The following SPRR2G variants were observed in gnomAD, a reference collection of about 807,000 sequenced individuals.
The protein encoded by SPRR2G is small proline-rich protein 2G.
SPRR2G carries 1 observed loss-of-function variant against 0.7 expected under a neutral mutation model. The observed-to-expected ratio is 1.49, with a 90% CI of 0.53 to 7.06. The LOEUF is 7.06. SPRR2G is among the 30% of genes most tolerant of loss of function. SPRR2G has a pLI of 0.14. For synonymous variants in SPRR2G, 38 were observed against 33.9 expected, an observed-to-expected ratio of 1.12 and a Z score of -0.42; for missense variants, 96 against 88.5, an observed-to-expected ratio of 1.09 and a Z score of -0.34.
chr1:153,175,364 C>A, the SPRR2G span, among the ~76,000 whole-genome samples: 1 of 152,184 alleles, frequency 6.6e-6, no homozygotes, highest in Non-Finnish European at 1.5e-5. Flanking sequence ...TTAACATTGA[C>A]CCGTAAGGTT....
chr1:153,197,222 A>G, the SPRR2G span, among the ~76,000 whole-genome samples: 1 of 150,408 alleles, frequency 6.6e-6, no homozygotes, highest in Admixed American at 6.7e-5. Context: ...GATAAACCCT[A>G]GCTGCAGGGA....
the SPRR2G span, among the ~76,000 whole-genome samples, chr1:153,180,302 G>T: frequency 1.3e-5 from 2 of 152,020 alleles, no homozygotes; most frequent in African/African-American, 4.8e-5. Context: ...ACTTTTTCCT[G>T]GCATCTAACA....
chr1:153,153,176 C>A (rs1656509506), upstream of SPRR2G, among the ~76,000 whole-genome samples: 1 of 152,108 alleles, frequency 6.6e-6, no homozygotes. Context: ...GGGGGAGAGA[C>A]TAACTTTTCA....
intron 1 of SPRR2G, 84 bp downstream of exon 1, chr1:153,150,768 G>T: frequency 1.3e-5 from 2 of 155,026 alleles, no homozygotes; most frequent in Admixed American, 1.2e-4. Flanking sequence ...GGATAAATTG[G>T]TTAAAATAAA....
In SPRR2G at chr1:153,149,696, T is replaced by A; in HGVS notation, c.*193A>T. 1.4e-6 allele frequency: 1 copy of A among 702,372 alleles called. No individual in the cohort carries two copies. The highest frequency in any genetic ancestry group is 2.4e-6 in the Non-Finnish European group (1 of 419,746). 43.5% of individuals were successfully genotyped at this position (702,372 alleles called of 1,614,324 possible). Reference sequence around the variant, plus strand: ...CAGACAGCAAAGCGAGATTAGGCAGTGATCTGGCTGCTCATCTTCCAACAA... The same window carrying A: ...CAGACAGCAAAGCGAGATTAGGCAGAGATCTGGCTGCTCATCTTCCAACAA... On this transcript the variant is annotated 3_prime_UTR_variant, in exon 2 of 2. Transcript: ENST00000368748.
At chr1:153,182,334 A>T in the SPRR2G span, among the ~76,000 whole-genome samples, 2 of 150,364 alleles carry the variant, frequency 1.3e-5, no homozygotes, top group Admixed American at 1.3e-4. Context: ...GAATTTTTTT[A>T]TTAGGTTGGT....
rs1179217472 is a variant in SPRR2G, at chr1:153,150,194, T to C, written c.-21-63A>G. On this transcript the variant is annotated intron_variant, in intron 1 of 1. Coordinates refer to ENST00000368748, the MANE Select transcript of SPRR2G (RefSeq NM_001014291.4). The stretch of plus-strand genomic sequence containing the variant: ...CAGTCCTGTTGGTGGAGCAATTAGC[T>C]AGGACATCAAATCTCCAGTATCTAG... 1.9e-6 allele frequency: 3 copies of C among 1,588,458 alleles called. No homozygotes were observed. In the African/African-American group the frequency reaches 4.0e-5, roughly 21 times the overall value.
chr1:153,158,463 T>A, the SPRR2G span, among the ~76,000 whole-genome samples: 1 of 152,240 alleles, frequency 6.6e-6, no homozygotes, highest in African/African-American at 2.4e-5. Context: ...TAAGTTTCCA[T>A]GGTCTTTGGC....
the SPRR2G span, among the ~76,000 whole-genome samples, chr1:153,161,980 G>C: frequency 2.0e-5 from 3 of 151,988 alleles, no homozygotes; most frequent in Non-Finnish European, 2.9e-5. Flanking sequence ...GGGGTTTTTG[G>C]TGGTGGTGGT....
At chr1:153,177,768 A>G in the SPRR2G span, among the ~76,000 whole-genome samples, 1 of 152,124 alleles carries the variant, frequency 6.6e-6, no homozygotes, top group Non-Finnish European at 1.5e-5. Context: ...GAAACCAGAT[A>G]GTGTGAGACC....
At chr1:153,154,022 C>T (rs1234878387), upstream of SPRR2G, among the ~76,000 whole-genome samples, 1 of 152,018 alleles carries the variant, frequency 6.6e-6, no homozygotes, top group Non-Finnish European at 1.5e-5. Flanking sequence ...GTGTTTTAAT[C>T]ATGAAAAGAT....
chr1:153,202,283 C>T, the SPRR2G span, among the ~76,000 whole-genome samples: 5 of 152,246 alleles, frequency 3.3e-5, no homozygotes, highest in African/African-American at 9.6e-5. Flanking sequence ...TTCCCATGCC[C>T]GAGGACTTTT....
the SPRR2G span, among the ~76,000 whole-genome samples, chr1:153,167,749 T>C: frequency 6.6e-6 from 1 of 152,154 alleles, no homozygotes; most frequent in Non-Finnish European, 1.5e-5. Flanking sequence ...TACAAGTAAA[T>C]AATTTTAAAT....
chr1:153,175,297 C>T, the SPRR2G span, among the ~76,000 whole-genome samples: 1 of 152,202 alleles, frequency 6.6e-6, no homozygotes, highest in African/African-American at 2.4e-5. Flanking sequence ...TGTTATCCTG[C>T]CTGCTGTCCT....
chr1:153,151,782 G>T (rs1287759586), upstream of SPRR2G, among the ~76,000 whole-genome samples: 1 of 152,160 alleles, frequency 6.6e-6, no homozygotes, highest in African/African-American at 2.4e-5. Context: ...GCACATTCGA[G>T]GAGTGAAGTT....
At chr1:153,197,622 T>C in the SPRR2G span, among the ~76,000 whole-genome samples, 1 of 152,166 alleles carries the variant, frequency 6.6e-6, no homozygotes, top group Non-Finnish European at 1.5e-5. Context: ...ATTAGGGCAC[T>C]GTATGAGACA....
At chr1:153,152,968 G>GT (rs1478537685), upstream of SPRR2G, among the ~76,000 whole-genome samples, 1 of 152,054 alleles carries the variant, frequency 6.6e-6, no homozygotes, top group Non-Finnish European at 1.5e-5. Context: ...ACAAAGGACA[G>GT]TTTTTTTATA....
the SPRR2G span, among the ~76,000 whole-genome samples, chr1:153,163,447 G>C: frequency 3.5e-4 from 54 of 152,300 alleles, no homozygotes; most frequent in African/African-American, 1.3e-3. Flanking sequence ...TTGGAATTAT[G>C]GGTGATAGAG....
chr1:153,158,154 G>T, the SPRR2G span, among the ~76,000 whole-genome samples: 1 of 152,112 alleles, frequency 6.6e-6, no homozygotes, highest in Admixed American at 6.6e-5. Context: ...GTCCCCCAAA[G>T]TCTTAACTCA....
Sources: gnomAD v4.1 joint callset for allele counts (sites outside exome capture counted in the v4.1 genomes callset) on GRCh38, gnomAD v4.1.1 for gene constraint, MANE v1.5 for transcripts, NCBI Gene and HGNC (gene_info 2026-07-23, HGNC 2026-07-21) for gene names.